RNF111: variants seen among roughly 807,000 people sequenced by gnomAD.
The protein encoded by RNF111 is ring finger protein 111.
RNF111 carries 17 observed loss-of-function variants against 95.1 expected under a neutral mutation model. That is an observed-to-expected ratio of 0.18 (90% confidence interval 0.12 to 0.27). The LOEUF is 0.27. Ranked by LOEUF, RNF111 falls within the 10% of genes least tolerant of loss-of-function variation. RNF111 has a pLI of 1.00. For synonymous variants in RNF111, 440 were observed against 414.8 expected, an observed-to-expected ratio of 1.06 and a Z score of -0.74; for missense variants, 1,189 against 1,210.4, an observed-to-expected ratio of 0.98 and a Z score of 0.26.
At chr15:59,060,208 C>A (rs919910119) in intron 5 of RNF111, among the ~76,000 whole-genome samples, 3 of 151,896 alleles carry the variant, frequency 2.0e-5, no homozygotes, top group African/African-American at 7.3e-5. Flanking sequence ...AAAATGTAGG[C>A]AGAAATGAAA....
chr15:59,091,898 C>T (rs927376981), intron 12 of RNF111, among the ~76,000 whole-genome samples: 49 of 152,182 alleles, frequency 3.2e-4, no homozygotes, highest in African/African-American at 1.0e-3. Flanking sequence ...ATAGGGTTCA[C>T]GCTTCTATGA....
At chr15:59,055,281 A>G (rs1274410457) in intron 3 of RNF111, among the ~76,000 whole-genome samples, 3 of 152,224 alleles carry the variant, frequency 2.0e-5, no homozygotes, top group Non-Finnish European at 4.4e-5. Flanking sequence ...TGTTTTGCAA[A>G]TCTATCCTGA....
intron 2 of RNF111, among the ~76,000 whole-genome samples, chr15:59,045,793 C>A (rs1254833519): frequency 6.6e-6 from 1 of 152,148 alleles, no homozygotes; most frequent in South Asian, 2.1e-4. Context: ...TCTCAAGGTT[C>A]CTTTTGTACT....
At chr15:59,078,544 C>T (rs1422526132) in intron 7 of RNF111, among the ~76,000 whole-genome samples, 2 of 131,472 alleles carry the variant, frequency 1.5e-5, no homozygotes, top group Non-Finnish European at 3.1e-5. Context: ...ATAGTGAGAA[C>T]CTGTCTCTAA....
rs757069129 is a variant in RNF111, at chr15:59,096,921, C to T, written c.*2021C>T. 5.9e-5 allele frequency: 9 copies of T among 152,172 alleles called. No individual in the cohort carries two copies. The highest frequency in any genetic ancestry group is 1.3e-4 in the Non-Finnish European group (9 of 68,026). 9.4% of individuals were successfully genotyped at this position (152,172 alleles called of 1,614,324 possible). On this transcript the variant is annotated 3_prime_UTR_variant, in exon 14 of 14. Transcript: ENST00000348370. Reference sequence around the variant, plus strand: ...ACAAGTAAAGCACAGGTGGATTTCTCTATTTTTGAATACTACATCAGATTT... The same window carrying T: ...ACAAGTAAAGCACAGGTGGATTTCTTTATTTTTGAATACTACATCAGATTT...
intron 2 of RNF111, among the ~76,000 whole-genome samples, chr15:59,043,610 C>T (rs775220929): frequency 1.2e-4 from 18 of 152,192 alleles, no homozygotes; most frequent in East Asian, 3.9e-4. Context: ...GAATGGTTTC[C>T]GGTATTTGCT....
chr15:59,000,987 GTTAACTTT>G (rs1211451561), intron 1 of RNF111, among the ~76,000 whole-genome samples: 1 of 152,166 alleles, frequency 6.6e-6, no homozygotes, highest in Non-Finnish European at 1.5e-5. Context: ...AGAGGGTGGG[GTTAACTTT>G]TTATTTTTTT....
intron 1 of RNF111, among the ~76,000 whole-genome samples, chr15:59,012,674 C>A (rs2039881217): frequency 6.6e-6 from 1 of 151,808 alleles, no homozygotes; most frequent in South Asian, 2.1e-4. Flanking sequence ...GTATGTCTTG[C>A]TATCCCAGTG....
At chr15:59,090,378 C>T (rs572457069) in intron 11 of RNF111, among the ~76,000 whole-genome samples, 9 of 152,156 alleles carry the variant, frequency 5.9e-5, no homozygotes, top group East Asian at 3.9e-4. Context: ...TACAGGTGCC[C>T]GCCACCACGC....
Position 59,076,040 on chromosome 15 carries a change from C to T in RNF111, c.1773C>T (p.Cys591=), listed in dbSNP as rs374917547. The T allele has an allele frequency of 3.7e-6, 6 of 1,614,216 alleles. No homozygotes were observed. Among genetic ancestry groups the T allele is most frequent in the Middle Eastern group, 1.7e-4 (1 of 6,058 alleles). The change falls in exon 7 of 14, where the codon TGC becomes TGT. Residue 591 remains cysteine (C), a synonymous_variant. Transcript: ENST00000348370. Reference sequence around the variant, plus strand: ...ATGGAGCATCTGCATTTGACCCCTGCTGCCCTGTTTCTTCCTCCCGAGCTG... The same window carrying T: ...ATGGAGCATCTGCATTTGACCCCTGTTGCCCTGTTTCTTCCTCCCGAGCTG... ...SFHGASAFDP[C]CPVSSSRAAI... is the part of the protein sequence containing the mutation.
chr15:59,052,271 G>C lies in RNF111; in HGVS notation c.881-34G>C, dbSNP rs554830246. ...CTGCCTAACGATTAGCTGACAGGAA[G>C]ATGCCTTTAAATGTTTTTTCTTTTT... On this transcript the variant is annotated intron_variant, in intron 2 of 13. Transcript: ENST00000348370. The C allele has an allele frequency of 1.2e-3, 1,888 of 1,516,434 alleles. 33 individuals carry two copies. In the South Asian group the frequency reaches 0.024, roughly 20 times the overall value. The allele number at this position is 1,516,434 out of a possible 1,614,324, so 93.9% of individuals were successfully genotyped here.
intron 8 of RNF111, 150 bp from the exon 9 acceptor site, chr15:59,083,979 T>C (rs1200807622): frequency 5.8e-6 from 3 of 519,546 alleles, no homozygotes; most frequent in Admixed American, 9.2e-5. Context: ...AATAATTTTA[T>C]ATGTTTTTAT....
At chr15:59,017,327 A>G (rs1276481726) in intron 1 of RNF111, among the ~76,000 whole-genome samples, 2 of 152,232 alleles carry the variant, frequency 1.3e-5, no homozygotes, top group African/African-American at 4.8e-5. Flanking sequence ...TTCATAAGAG[A>G]AACACCAAGC....
chr15:58,991,484 A>C (rs909329982), intron 1 of RNF111, among the ~76,000 whole-genome samples: 2 of 152,184 alleles, frequency 1.3e-5, no homozygotes, highest in Non-Finnish European at 2.9e-5. Context: ...AATAAACAGA[A>C]TGGTTTCAGG....
intron 8 of RNF111, among the ~76,000 whole-genome samples, chr15:59,082,813 A>G (rs2078785866): frequency 6.6e-6 from 1 of 152,150 alleles, no homozygotes; most frequent in Non-Finnish European, 1.5e-5. Context: ...TACTTCTGTC[A>G]TTTAAGATTG....
In RNF111 at chr15:59,066,824, G is replaced by T. The variant is rs983944709; in HGVS notation, c.1427G>T (p.Arg476Met). The stretch of plus-strand genomic sequence containing the variant: ...GAAACTGGCCCTCCTGCAATGCCAA[G>T]GTTACCTTCCTGCTGTCCCCAGCAC... ...VTETGPPAMP[R>M]LPSCCPQHSP... The change falls in exon 6 of 14, where the codon AGG becomes ATG. Residue 476 changes from arginine to methionine, a missense_variant. This residue lies in a region of RNF111 where 1,024 missense variants were observed against 925.9 expected (regional missense o/e 1.11). Transcript: ENST00000348370. The T allele has an allele frequency of 1.2e-6, 2 of 1,613,994 alleles. No homozygotes were observed. The highest frequency in any genetic ancestry group is 1.7e-6 in the Non-Finnish European group (2 of 1,179,986).
intron 5 of RNF111, among the ~76,000 whole-genome samples, chr15:59,066,349 G>A (rs531661321): frequency 2.0e-5 from 3 of 152,254 alleles, no homozygotes; most frequent in African/African-American, 7.2e-5. Context: ...GGTGGCTCAC[G>A]CCTGTAATCC....
In RNF111 at chr15:59,066,745, C is replaced by G; in HGVS notation, c.1367-19C>G. On this transcript the variant is annotated intron_variant, in intron 5 of 13. Coordinates refer to ENST00000348370, the MANE Select transcript of RNF111 (RefSeq NM_017610.8). ...TATTTCATGATTTGATTATTCTGTG[C>G]ATTTTTTTCTGTTTCAAGATGACTC... 1 of 1,594,076 alleles carries G rather than the reference C, an allele frequency of 6.3e-7. No homozygotes were observed. Among genetic ancestry groups the G allele is most frequent in the South Asian group, 1.1e-5 (1 of 89,918 alleles).
chr15:59,041,961 A>ATTTTT (rs79347638), intron 2 of RNF111, among the ~76,000 whole-genome samples: 1 of 100,104 alleles, frequency 1.0e-5, no homozygotes, highest in African/African-American at 4.0e-5. Flanking sequence ...GTCTGTTCAT[A>ATTTTT]TTTTTTTTTT....
Sources: allele counts gnomAD v4.1 joint callset (sites outside exome capture counted in the v4.1 genomes callset), GRCh38; gene constraint gnomAD v4.1.1; regional missense constraint gnomAD v4.1.1; transcripts MANE v1.5; gene names NCBI Gene and HGNC (gene_info 2026-07-23, HGNC 2026-07-21).